ITGBL1: variants seen among roughly 807,000 people sequenced by gnomAD.
ITGBL1 encodes the protein integrin beta-like protein 1.
In ITGBL1, 51 loss-of-function variants were observed where a neutral mutation model predicts 68.5. The observed-to-expected ratio is 0.74, with a 90% CI of 0.59 to 0.94. The LOEUF (loss-of-function observed/expected upper bound fraction) is 0.94. ITGBL1 is among the 40% of genes least tolerant of loss of function. The pLI is 0.00. For synonymous variants in ITGBL1, 209 were observed against 227.3 expected, an observed-to-expected ratio of 0.92 and a Z score of 0.72; for missense variants, 649 against 647.4, an observed-to-expected ratio of 1.00 and a Z score of -0.03.
chr13:101,505,325 C>T (rs1239659952), intron 2 of ITGBL1, among the ~76,000 whole-genome samples: 1 of 152,132 alleles, frequency 6.6e-6, no homozygotes, highest in Non-Finnish European at 1.5e-5. Context: ...TTTATGAACA[C>T]TTCCTGAGTC....
chr13:101,604,152 C>A (rs1449795790), intron 7 of ITGBL1, among the ~76,000 whole-genome samples: 1 of 151,714 alleles, frequency 6.6e-6, no homozygotes, highest in Non-Finnish European at 1.5e-5. Flanking sequence ...CAGAGAAAAT[C>A]ACTGTAAGTA....
chr13:101,592,258 G>A (rs945076258), intron 6 of ITGBL1, among the ~76,000 whole-genome samples: 2 of 152,102 alleles, frequency 1.3e-5, no homozygotes, highest in African/African-American at 4.8e-5. Flanking sequence ...TAAACTCCAT[G>A]TAGGTTACTG....
chr13:101,693,109 T>C (rs1445181086), intron 8 of ITGBL1, among the ~76,000 whole-genome samples: 1 of 152,090 alleles, frequency 6.6e-6, no homozygotes, highest in Non-Finnish European at 1.5e-5. Flanking sequence ...AGGTATACGC[T>C]CAGATTCTAT....
intron 2 of ITGBL1, among the ~76,000 whole-genome samples, chr13:101,489,192 A>G (rs770131348): frequency 4.6e-5 from 7 of 152,208 alleles, no homozygotes; most frequent in Non-Finnish European, 5.9e-5. Context: ...TCCAACAATT[A>G]AAAGAAAGGT....
intron 2 of ITGBL1, among the ~76,000 whole-genome samples, chr13:101,549,815 C>T (rs890237231): frequency 1.3e-5 from 2 of 151,586 alleles, no homozygotes; most frequent in Non-Finnish European, 2.9e-5. Context: ...TACACATTGT[C>T]GGTGAAAATA....
chr13:101,633,592 G>A lies in ITGBL1; in HGVS notation c.1015+35293G>A, dbSNP rs564256091. On this transcript the variant is annotated intron_variant, in intron 7 of 10. Transcript: ENST00000376180. Reference sequence around the variant, plus strand: ...TGAGCAGAAGCTTTGAGAGCCTCCCGTGGCTTCTCAGCCTTTTTGCTTTTT... The same window carrying A: ...TGAGCAGAAGCTTTGAGAGCCTCCCATGGCTTCTCAGCCTTTTTGCTTTTT... Among the ~76,000 whole-genome samples, 4 of 152,252 alleles carry A rather than the reference G, an allele frequency of 2.6e-5. No individual in the cohort carries two copies. The East Asian group carries it at 5.8e-4, about 22-fold the overall frequency.
At chr13:101,635,843 G>T (rs1290236012) in intron 7 of ITGBL1, among the ~76,000 whole-genome samples, 1 of 151,968 alleles carries the variant, frequency 6.6e-6, no homozygotes, top group African/African-American at 2.4e-5. Flanking sequence ...ATAAAATCCA[G>T]ATCAAAATTG....
chr13:101,486,108 G>A (rs557556032), intron 2 of ITGBL1, among the ~76,000 whole-genome samples: 8 of 140,984 alleles, frequency 5.7e-5, no homozygotes, highest in East Asian at 2.8e-4. Context: ...ATCAACCAAC[G>A]AGTGGATAAA....
chr13:101,643,369 T>C (rs1566772064), intron 7 of ITGBL1, among the ~76,000 whole-genome samples: 1 of 151,670 alleles, frequency 6.6e-6, no homozygotes, highest in Non-Finnish European at 1.5e-5. Flanking sequence ...TCTGTTTGTC[T>C]GTTATTGGTG....
intron 3 of ITGBL1, among the ~76,000 whole-genome samples, chr13:101,570,429 C>T (rs2050253820): frequency 6.6e-6 from 1 of 152,090 alleles, no homozygotes; most frequent in Non-Finnish European, 1.5e-5. Context: ...AGCCCTGATT[C>T]CTTTTAGTGA....
chr13:101,556,054 T>C (rs2050000067), intron 2 of ITGBL1, among the ~76,000 whole-genome samples: 1 of 152,218 alleles, frequency 6.6e-6, no homozygotes, highest in African/African-American at 2.4e-5. Context: ...ATTTGACTGA[T>C]AAGCAGTGTT....
chr13:101,715,514 T>C, intron 10 of ITGBL1, 49 bp from the exon 11 acceptor site: 1 of 1,262,000 alleles, frequency 7.9e-7, no homozygotes, highest in Non-Finnish European at 1.2e-6. Context: ...ATGTTTAAAT[T>C]TGGCACATTT....
intron 2 of ITGBL1, among the ~76,000 whole-genome samples, chr13:101,537,185 A>T (rs760838919): frequency 1.3e-5 from 2 of 152,034 alleles, no homozygotes; most frequent in Non-Finnish European, 2.9e-5. Flanking sequence ...CTTGTATATT[A>T]TCAGCCCTGA....
chr13:101,662,284 G>A (rs537829565), intron 7 of ITGBL1, among the ~76,000 whole-genome samples: 52 of 152,194 alleles, frequency 3.4e-4, no homozygotes, highest in African/African-American at 1.2e-3. Flanking sequence ...GCATTTACAC[G>A]TGATTTTAAA....
chr13:101,501,781 C>T (rs2048946944), intron 2 of ITGBL1, among the ~76,000 whole-genome samples: 2 of 152,164 alleles, frequency 1.3e-5, no homozygotes, highest in Admixed American at 1.3e-4. Flanking sequence ...AAGGTCAGCA[C>T]ATCTCCAAGG....
At chr13:101,652,819 C>T (rs1156390754) in intron 7 of ITGBL1, among the ~76,000 whole-genome samples, 4 of 152,050 alleles carry the variant, frequency 2.6e-5, no homozygotes, top group East Asian at 3.9e-4. Flanking sequence ...CTTGAGCGGC[C>T]GGGTGTGGTG....
At chr13:101,524,656 C>CTT (rs71121199) in intron 2 of ITGBL1, among the ~76,000 whole-genome samples, 1,787 of 139,524 alleles carry the variant, frequency 0.013, 49 homozygotes, top group African/African-American at 0.039. Flanking sequence ...TATTCTTATT[C>CTT]TTTTTTTTTT....
At chr13:101,528,010 A>G (rs1439621857) in intron 2 of ITGBL1, among the ~76,000 whole-genome samples, 1 of 151,330 alleles carries the variant, frequency 6.6e-6, no homozygotes, top group Non-Finnish European at 1.5e-5. Context: ...TAAAATGTTT[A>G]TGGTTTTGCT....
rs1380948293 is a variant in ITGBL1, at chr13:101,584,168, G to A, written c.868+812G>A. On this transcript the variant is annotated intron_variant, in intron 6 of 10. Transcript: ENST00000376180. ...CTGTGGGGCAGATACTGTCTGTTAGGGACTGAGTGACATCTGGGCTACTGG... is the reference window on the plus strand; with the variant it reads ...CTGTGGGGCAGATACTGTCTGTTAGAGACTGAGTGACATCTGGGCTACTGG... Among the ~76,000 whole-genome samples the A allele has an allele frequency of 3.9e-5, 6 of 152,200 alleles. No homozygotes were observed. In the South Asian group the frequency reaches 1.2e-3, roughly 32 times the overall value.
Sources: allele counts gnomAD v4.1 joint callset (sites outside exome capture counted in the v4.1 genomes callset), GRCh38; gene constraint gnomAD v4.1.1; transcripts MANE v1.5; gene names NCBI Gene and HGNC (gene_info 2026-07-23, HGNC 2026-07-21).